Variants in EPHB1 observed in about 807,000 individuals in gnomAD.
The protein encoded by EPHB1 is EPH receptor B1, also known as ephrin type-B receptor 1.
Under a neutral mutation model 94.4 loss-of-function variants are expected in EPHB1, and 30 were observed. That is an observed-to-expected ratio of 0.32 (90% CI 0.24 to 0.43). The LOEUF (loss-of-function observed/expected upper bound fraction) is 0.43, where lower values mean the gene tolerates loss of function less well. EPHB1 is among the 20% of genes least tolerant of loss of function. EPHB1 has a pLI of 1.00. For synonymous variants in EPHB1, 522 were observed against 489.1 expected (o/e 1.07, Z -0.89); for missense variants, 1,055 against 1,308.3 (o/e 0.81, Z 2.99).
At chr3:134,810,627 G>A (rs1391811130) in intron 1 of EPHB1, among the ~76,000 whole-genome samples, 1 of 152,202 alleles carries the variant, frequency 6.6e-6, no homozygotes. Flanking sequence ...AGGAGGCTCT[G>A]GTTCAGCTGA....
intron 12 of EPHB1, among the ~76,000 whole-genome samples, chr3:135,230,904 C>G (rs34763231): frequency 0.21 from 31,935 of 152,186 alleles, 3,702 homozygotes; most frequent in Non-Finnish European, 0.25. Context: ...TCATTTCTTT[C>G]TTTTCTATGG....
intron 4 of EPHB1, among the ~76,000 whole-genome samples, chr3:135,122,221 T>A (rs188690522): frequency 2.6e-5 from 4 of 152,214 alleles, no homozygotes; most frequent in Admixed American, 1.3e-4. Context: ...CTGTCAAGGA[T>A]CAATGAATGA....
chr3:135,103,805 G>A (rs1434102826), intron 3 of EPHB1, among the ~76,000 whole-genome samples: 2 of 152,074 alleles, frequency 1.3e-5, no homozygotes, highest in Admixed American at 6.6e-5. Flanking sequence ...TCTCCCTGAT[G>A]TCCAGCTTGG....
At chr3:135,209,225 TA>T (rs1210478147) in intron 12 of EPHB1, among the ~76,000 whole-genome samples, 1 of 152,206 alleles carries the variant, frequency 6.6e-6, no homozygotes, top group Admixed American at 6.5e-5. Context: ...GATTAATAGC[TA>T]ATTCAGATAA....
intron 3 of EPHB1, among the ~76,000 whole-genome samples, chr3:135,072,293 A>G (rs532293994): frequency 1.3e-5 from 2 of 152,288 alleles, no homozygotes; most frequent in Admixed American, 1.3e-4. Flanking sequence ...CTGAGACAGG[A>G]GAAACGCTTG....
At chr3:135,195,331 T>C (rs1300470972) in intron 11 of EPHB1, among the ~76,000 whole-genome samples, 1 of 151,866 alleles carries the variant, frequency 6.6e-6, no homozygotes, top group Non-Finnish European at 1.5e-5. Context: ...TGTTTTCTTT[T>C]TATTTATTTA....
chr3:134,880,581 C>A (rs1375516978), intron 1 of EPHB1, among the ~76,000 whole-genome samples: 1 of 152,200 alleles, frequency 6.6e-6, no homozygotes, highest in Non-Finnish European at 1.5e-5. Context: ...CAAGAGATGA[C>A]CCCAACCACT....
intron 1 of EPHB1, among the ~76,000 whole-genome samples, chr3:134,869,225 T>C (rs1009702552): frequency 3.3e-5 from 5 of 152,230 alleles, no homozygotes. Context: ...AGGCAGGTGA[T>C]AGAGAGCCCA....
At chr3:134,860,186 C>CACAG (rs72417958) in intron 1 of EPHB1, among the ~76,000 whole-genome samples, 2 of 151,830 alleles carry the variant, frequency 1.3e-5, no homozygotes, top group African/African-American at 4.8e-5. Context: ...CACACACACA[C>CACAG]ACACACACAC....
intron 1 of EPHB1, among the ~76,000 whole-genome samples, chr3:134,834,583 C>T (rs2036637949): frequency 6.6e-6 from 1 of 152,178 alleles, no homozygotes; most frequent in South Asian, 2.1e-4. Context: ...AAAGACAGAA[C>T]AATGCTTTGA....
At chr3:135,212,998 T>G (rs930002673) in intron 12 of EPHB1, among the ~76,000 whole-genome samples, 10 of 152,244 alleles carry the variant, frequency 6.6e-5, no homozygotes, top group African/African-American at 2.4e-4. Context: ...TTTTATGCAG[T>G]TCTTTCAAGA....
intron 15 of EPHB1, 72 bp from the exon 16 acceptor site, chr3:135,258,940 A>T: frequency 8.1e-7 from 1 of 1,227,674 alleles, no homozygotes; most frequent in Non-Finnish European, 1.2e-6. Flanking sequence ...ACATGGCTTT[A>T]GTGATGAGTT....
In EPHB1 at chr3:135,144,516, G is replaced by C. The variant is rs1482251268; in HGVS notation, c.1298-9636G>C. On this transcript the variant is annotated intron_variant, in intron 5 of 15. Coordinates refer to ENST00000398015, the MANE Select transcript of EPHB1 (RefSeq NM_004441.5). ...GGGACTACATTTTGAGAACTTACAG[G>C]GTCAGATATATGATCCCAATAAAGA... is the stretch of plus-strand genomic sequence containing the variant. Among the ~76,000 whole-genome samples, 9 of 152,132 alleles carry C rather than the reference G, an allele frequency of 5.9e-5. No homozygotes were observed. In the South Asian group the frequency reaches 1.7e-3, roughly 28 times the overall value.
intron 1 of EPHB1, among the ~76,000 whole-genome samples, chr3:134,841,876 T>A (rs1333874903): frequency 6.6e-6 from 1 of 152,240 alleles, no homozygotes; most frequent in Admixed American, 6.5e-5. Context: ...TGCCACTTAA[T>A]GATATTCCCC....
chr3:135,084,915 G>A (rs577230658), intron 3 of EPHB1, among the ~76,000 whole-genome samples: 5 of 152,284 alleles, frequency 3.3e-5, no homozygotes, highest in African/African-American at 1.2e-4. Context: ...AAACAGCAAA[G>A]GTGAGGGAAT....
intron 10 of EPHB1, among the ~76,000 whole-genome samples, chr3:135,183,266 T>TCCTA (rs1942237610): frequency 7.3e-6 from 1 of 137,728 alleles, no homozygotes; most frequent in Admixed American, 7.4e-5. Context: ...CTTCCTTCCT[T>TCCTA]CCTTCCTTCC....
At chr3:135,152,080 G>A (rs561561144) in intron 5 of EPHB1, among the ~76,000 whole-genome samples, 2 of 152,320 alleles carry the variant, frequency 1.3e-5, no homozygotes, top group Admixed American at 1.3e-4. Flanking sequence ...AGCCTAAGGA[G>A]AATTTAGGGA....
rs192739218 is a variant in EPHB1, at chr3:134,826,850, C to G, written c.58+31161C>G. ...TAGGTGACTTCTTATTCAGCATGCC[C>G]TGGTGAGCAGGGCACACAGTGTGAA... On this transcript the variant is annotated intron_variant, in intron 1 of 15. Transcript: ENST00000398015. Among the ~76,000 whole-genome samples the G allele has an allele frequency of 1.9e-3, 284 of 152,260 alleles. 2 individuals carry two copies. Among genetic ancestry groups the G allele is most frequent in the Middle Eastern group, 3.4e-3 (1 of 294 alleles).
chr3:134,968,671 C>T (rs7636773), intron 3 of EPHB1, among the ~76,000 whole-genome samples: 15,212 of 152,196 alleles, frequency 0.1, 889 homozygotes, highest in Non-Finnish European at 0.13. Context: ...TGTGTAACCA[C>T]TATCATAATT....
Sources: gnomAD v4.1 joint callset for allele counts (sites outside exome capture counted in the v4.1 genomes callset) on GRCh38, gnomAD v4.1.1 for gene constraint, MANE v1.5 for transcripts, NCBI Gene and HGNC (gene_info 2026-07-23, HGNC 2026-07-21) for gene names.